The following CLCN3 variants were observed in gnomAD, a reference collection of about 807,000 sequenced individuals.
The protein encoded by CLCN3 is H(+)/Cl(-) exchange transporter 3.
Under a neutral mutation model 83.4 loss-of-function variants are expected in CLCN3, and 16 were observed. That is an observed-to-expected ratio of 0.19 (90% CI 0.13 to 0.29). The LOEUF is 0.29. Ranked by LOEUF, CLCN3 falls within the 10% of genes least tolerant of loss-of-function variation. CLCN3 has a pLI of 1.00. For synonymous variants in CLCN3, 322 were observed against 346.2 expected (o/e 0.93, Z 0.78); for missense variants, 544 against 1,006.0 (o/e 0.54, Z 6.21).
chr4:169,679,066 C>T (rs1447138257), intron 2 of CLCN3, among the ~76,000 whole-genome samples: 2 of 150,536 alleles, frequency 1.3e-5, no homozygotes, highest in Middle Eastern at 3.5e-3. Context: ...ACTGGGTGGC[C>T]GGGCGGAGAC....
intron 2 of CLCN3, among the ~76,000 whole-genome samples, chr4:169,668,972 G>A (rs1731357737): frequency 6.6e-6 from 1 of 152,038 alleles, no homozygotes; most frequent in South Asian, 2.1e-4. Flanking sequence ...GGGAGGAGAA[G>A]GTATCTTGAT....
Position 169,620,912 on chromosome 4 carries a change from C to T in CLCN3, c.-168C>T. 1 of 398,460 alleles carries T rather than the reference C, an allele frequency of 2.5e-6. No homozygotes were observed. Among genetic ancestry groups the T allele is most frequent in the Non-Finnish European group, 4.4e-6 (1 of 226,034 alleles). The allele number at this position is 398,460 out of a possible 1,614,324, so 24.7% of individuals were successfully genotyped here. A position where few individuals can be genotyped will look rare whatever the true frequency, so the allele number is the denominator to read the frequency against. The stretch of plus-strand genomic sequence containing the variant: ...TCGTAACCTCTGCGGTAGAAAACGT[C>T]AGGTATCTTTTAAATCGCGATAGTT... On this transcript the variant is annotated 5_prime_UTR_variant, in exon 1 of 13. It introduces an in-frame stop codon into an upstream open reading frame of the 5' UTR. Coordinates refer to ENST00000513761, the MANE Select transcript of CLCN3 (RefSeq NM_001829.4).
At chr4:169,638,658 G>A (rs1259928865) in intron 2 of CLCN3, among the ~76,000 whole-genome samples, 1 of 152,170 alleles carries the variant, frequency 6.6e-6, no homozygotes, top group Non-Finnish European at 1.5e-5. Context: ...TATAGGAAGA[G>A]CTGACTCCTT....
chr4:169,666,355 A>T (rs1731245885), intron 2 of CLCN3, among the ~76,000 whole-genome samples: 1 of 152,196 alleles, frequency 6.6e-6, no homozygotes, highest in African/African-American at 2.4e-5. Flanking sequence ...TTGTAAGTAC[A>T]CCTGGGGTAA....
At chr4:169,715,897 C>A (rs928788493) in intron 12 of CLCN3, among the ~76,000 whole-genome samples, 1 of 151,950 alleles carries the variant, frequency 6.6e-6, no homozygotes, top group African/African-American at 2.4e-5. Context: ...CTATGGAACT[C>A]CTCAGAACTT....
At position 169,713,105 on chromosome 4, in the gene CLCN3, A is replaced by G. The variant is rs753874205; in HGVS notation, c.2176A>G (p.Ile726Val). The G allele has an allele frequency of 2.5e-6, 4 of 1,613,990 alleles. 1 individual carries two copies. In the African/African-American group the frequency reaches 4.0e-5, roughly 16 times the overall value. The change falls in exon 12 of 13, where the codon ATC (isoleucine) becomes GTC (valine). Residue 726 changes from isoleucine to valine, a missense_variant. By Grantham distance (29) the Ile-to-Val change is conservative. Transcript: ENST00000513761. The part of the protein sequence containing the change: ...IESARKKQEG[I>V]VGSSRVCFAQ... ...AAGTGCCAGGAAAAAACAAGAAGGT[A>G]TCGTTGGCAGTTCTCGGGTGTGTTT...
chr4:169,641,494 C>T (rs1730411761), intron 2 of CLCN3, among the ~76,000 whole-genome samples: 1 of 152,172 alleles, frequency 6.6e-6, no homozygotes, highest in Non-Finnish European at 1.5e-5. Flanking sequence ...GATCCTACCA[C>T]CTGTGCTAAA....
chr4:169,627,531 T>G (rs1427900268), intron 1 of CLCN3, among the ~76,000 whole-genome samples: 1 of 152,150 alleles, frequency 6.6e-6, no homozygotes, highest in African/African-American at 2.4e-5. Flanking sequence ...CCCTAGCATC[T>G]GGCTTTGTGC....
intron 12 of CLCN3, among the ~76,000 whole-genome samples, chr4:169,719,394 G>A (rs1361327643): frequency 6.6e-6 from 1 of 152,200 alleles, no homozygotes; most frequent in Non-Finnish European, 1.5e-5. Context: ...GACCCAGGAG[G>A]CGGAGGTTGC....
chr4:169,667,079 A>T (rs995276277), intron 2 of CLCN3, among the ~76,000 whole-genome samples: 9 of 151,958 alleles, frequency 5.9e-5, no homozygotes, highest in South Asian at 2.1e-4. Context: ...TATCTAAAAA[A>T]CCTGCCTAAC....
chr4:169,671,527 G>GT (rs1383850977), intron 2 of CLCN3, among the ~76,000 whole-genome samples: 1 of 152,084 alleles, frequency 6.6e-6, no homozygotes, highest in African/African-American at 2.4e-5. Context: ...CGATGGGTTG[G>GT]TAAGTGCAGC....
chr4:169,719,059 T>G (rs1733533296), intron 12 of CLCN3, among the ~76,000 whole-genome samples: 2 of 152,256 alleles, frequency 1.3e-5, no homozygotes, highest in Non-Finnish European at 2.9e-5. Context: ...ATTGACGTTC[T>G]GTGCTGACCA....
At chr4:169,635,004 C>T (rs759377094) in intron 1 of CLCN3, among the ~76,000 whole-genome samples, 2 of 152,138 alleles carry the variant, frequency 1.3e-5, no homozygotes, top group Non-Finnish European at 2.9e-5. Flanking sequence ...GGAAAATTTA[C>T]TGAGTAGAAG....
Position 169,695,054 on chromosome 4 carries a change from A to G in CLCN3, c.937-558A>G, listed in dbSNP as rs79668734. Among the ~76,000 whole-genome samples, 925 of 152,150 alleles carry G rather than the reference A, an allele frequency of 6.1e-3. 14 individuals carry two copies. The highest frequency in any genetic ancestry group is 0.021 in the African/African-American group (892 of 41,504). ...AGAGGTGTTGGTTGGTGAGACTGTAACTTGAGGAGCTGTTGTGTGTGCTTT... is the reference window on the plus strand; with the variant it reads ...AGAGGTGTTGGTTGGTGAGACTGTAGCTTGAGGAGCTGTTGTGTGTGCTTT... On this transcript the variant is annotated intron_variant, in intron 7 of 12. Coordinates refer to ENST00000513761, the MANE Select transcript of CLCN3 (RefSeq NM_001829.4).
At chr4:169,677,431 T>G (rs55903412) in intron 2 of CLCN3, among the ~76,000 whole-genome samples, 14,021 of 152,238 alleles carry the variant, frequency 0.092, 682 homozygotes, top group African/African-American at 0.12. Flanking sequence ...AGAATTGAGT[T>G]GTTGCAACTG....
intron 2 of CLCN3, among the ~76,000 whole-genome samples, chr4:169,679,106 C>T (rs1479933492): frequency 6.8e-5 from 10 of 146,632 alleles, no homozygotes; most frequent in African/African-American, 2.3e-4. Flanking sequence ...GGGCGGCTGC[C>T]GGGCGGAGGG....
At chr4:169,651,677 G>A (rs1043080521) in intron 2 of CLCN3, among the ~76,000 whole-genome samples, 1 of 152,090 alleles carries the variant, frequency 6.6e-6, no homozygotes, top group Non-Finnish European at 1.5e-5. Flanking sequence ...GCCTGTTCAT[G>A]TTCAGTACAG....
At chr4:169,678,263 G>C (rs1377648075) in intron 2 of CLCN3, among the ~76,000 whole-genome samples, 2 of 152,108 alleles carry the variant, frequency 1.3e-5, no homozygotes, top group Non-Finnish European at 1.5e-5. Flanking sequence ...TCTCCGCAGC[G>C]TCAGGTGACT....
chr4:169,672,512 G>T (rs1410078167), intron 2 of CLCN3, among the ~76,000 whole-genome samples: 1 of 151,886 alleles, frequency 6.6e-6, no homozygotes, highest in Non-Finnish European at 1.5e-5. Flanking sequence ...ATGCTGTGAC[G>T]GTACCTAAAA....
Sources: allele counts gnomAD v4.1 joint callset (sites outside exome capture counted in the v4.1 genomes callset), GRCh38; gene constraint gnomAD v4.1.1; transcripts MANE v1.5; gene names NCBI Gene and HGNC (gene_info 2026-07-23, HGNC 2026-07-21).